Variants in LRMDA observed in about 807,000 individuals in gnomAD.
LRMDA encodes leucine-rich melanocyte differentiation-associated protein.
LRMDA carries 18 observed loss-of-function variants against 29.8 expected under a neutral mutation model. That is an observed-to-expected ratio of 0.60 (90% CI 0.42 to 0.90). The LOEUF is 0.90. Ranked by LOEUF, LRMDA falls within the 40% of genes least tolerant of loss-of-function variation. The pLI is 0.00. For synonymous variants in LRMDA, 125 were observed against 109.4 expected (o/e 1.14, Z -0.89); for missense variants, 273 against 273.9 (o/e 1.00, Z 0.02).
At chr10:76,251,365 G>T (rs1020039011) in intron 5 of LRMDA, among the ~76,000 whole-genome samples, 1 of 148,914 alleles carries the variant, frequency 6.7e-6, no homozygotes, top group African/African-American at 2.5e-5. Context: ...CCATTCTCCT[G>T]CCTCAGCCTC....
chr10:76,053,999 C>T (rs1048847836), intron 4 of LRMDA, among the ~76,000 whole-genome samples: 11 of 152,326 alleles, frequency 7.2e-5, no homozygotes, highest in Admixed American at 1.3e-4. Flanking sequence ...CTGATGCCCA[C>T]TGAAGTTTGA....
At chr10:76,064,489 C>T (rs756533763) in intron 5 of LRMDA, among the ~76,000 whole-genome samples, 28 of 152,116 alleles carry the variant, frequency 1.8e-4, no homozygotes, top group Admixed American at 4.6e-4. Context: ...CCGTCTTCGC[C>T]GCTATTGTAT....
At chr10:76,337,051 TG>T (rs1218640009) in intron 6 of LRMDA, among the ~76,000 whole-genome samples, 1 of 152,142 alleles carries the variant, frequency 6.6e-6, no homozygotes, top group Non-Finnish European at 1.5e-5. Context: ...GATAGGGCAG[TG>T]AATGTTGGCA....
At chr10:76,063,024 C>T (rs1172532927) in intron 5 of LRMDA, among the ~76,000 whole-genome samples, 7 of 152,176 alleles carry the variant, frequency 4.6e-5, no homozygotes, top group Non-Finnish European at 1.5e-5. Flanking sequence ...TATGTCCTGA[C>T]TTTGTAATTA....
chr10:75,695,217 G>GT (rs372059557), intron 2 of LRMDA, among the ~76,000 whole-genome samples: 58 of 151,942 alleles, frequency 3.8e-4, no homozygotes, highest in Middle Eastern at 3.4e-3. Context: ...TTTGATTCTG[G>GT]TTTTTTAAAA....
At chr10:76,012,858 C>T (rs1220939916) in intron 2 of LRMDA, among the ~76,000 whole-genome samples, 3 of 151,966 alleles carry the variant, frequency 2.0e-5, no homozygotes, top group Admixed American at 6.6e-5. Flanking sequence ...AGGTCAGGAG[C>T]GATAGTAAAA....
intron 2 of LRMDA, among the ~76,000 whole-genome samples, chr10:75,735,353 T>G (rs1842749362): frequency 6.6e-6 from 1 of 152,226 alleles, no homozygotes; most frequent in South Asian, 2.1e-4. Context: ...CACAGCATAA[T>G]CCTGCAGCTA....
chr10:76,335,077 A>G (rs960713063), intron 6 of LRMDA, among the ~76,000 whole-genome samples: 2 of 152,208 alleles, frequency 1.3e-5, no homozygotes, highest in African/African-American at 4.8e-5. Flanking sequence ...GGATTTAGGA[A>G]GAGATCAAGT....
chr10:76,490,293 T>G (rs1842820630), intron 6 of LRMDA, among the ~76,000 whole-genome samples: 1 of 152,040 alleles, frequency 6.6e-6, no homozygotes, highest in Admixed American at 6.6e-5. Flanking sequence ...TAAATATCTG[T>G]TAGATCCATT....
At chr10:76,004,520 A>G (rs145452817) in intron 2 of LRMDA, among the ~76,000 whole-genome samples, 1 of 152,326 alleles carries the variant, frequency 6.6e-6, no homozygotes, top group Non-Finnish European at 1.5e-5. Flanking sequence ...ACCTGGGGAA[A>G]CTTACAGAAA....
chr10:76,085,357 G>A (rs1266417392), intron 5 of LRMDA, among the ~76,000 whole-genome samples: 1 of 152,218 alleles, frequency 6.6e-6, no homozygotes, highest in African/African-American at 2.4e-5. Context: ...GGGGGATACT[G>A]GACAGCAAAT....
intron 2 of LRMDA, among the ~76,000 whole-genome samples, chr10:75,555,532 A>G (rs1687325070): frequency 6.6e-6 from 1 of 152,168 alleles, no homozygotes; most frequent in Non-Finnish European, 1.5e-5. Flanking sequence ...CTGGCTAGAT[A>G]AGGCTGAAAC....
chr10:75,516,804 G>T (rs1326471766), intron 2 of LRMDA, among the ~76,000 whole-genome samples: 1 of 152,106 alleles, frequency 6.6e-6, no homozygotes, highest in East Asian at 1.9e-4. Flanking sequence ...ATACTGCCTA[G>T]ATTTTCTTCT....
At position 75,961,680 on chromosome 10, in the gene LRMDA, T is replaced by C. The variant is rs1846768624; in HGVS notation, c.132-74328T>C. On this transcript the variant is annotated intron_variant, in intron 2 of 6. Transcript: ENST00000611255. ...ATGGGGAAACGGGGACTGGGGCTGC[T>C]TCATAACAGCCCATCAGGTGAGTGC... Among the ~76,000 whole-genome samples the C allele has an allele frequency of 3.9e-5, 6 of 152,324 alleles. No homozygotes were observed. In the South Asian group the frequency reaches 1.2e-3, roughly 32 times the overall value.
chr10:75,696,794 C>T (rs1044659330), intron 2 of LRMDA, among the ~76,000 whole-genome samples: 6 of 152,172 alleles, frequency 3.9e-5, no homozygotes, highest in Admixed American at 2.0e-4. Flanking sequence ...TTCTGCCTCT[C>T]CTGTGTAATC....
At chr10:75,732,904 G>A (rs1589176448) in intron 2 of LRMDA, among the ~76,000 whole-genome samples, 1 of 152,278 alleles carries the variant, frequency 6.6e-6, no homozygotes, top group East Asian at 1.9e-4. Flanking sequence ...AAAAGATTGA[G>A]GAGGGTCCAG....
At chr10:75,434,001 T>C (rs1053817772) in intron 1 of LRMDA, among the ~76,000 whole-genome samples, 2 of 152,098 alleles carry the variant, frequency 1.3e-5, no homozygotes, top group African/African-American at 4.8e-5. Context: ...GTTGCAGTCT[T>C]CCTATTGCTT....
chr10:75,614,739 C>T (rs1384552592), intron 2 of LRMDA, among the ~76,000 whole-genome samples: 1 of 151,702 alleles, frequency 6.6e-6, no homozygotes, highest in African/African-American at 2.4e-5. Flanking sequence ...TCATGATGCA[C>T]TGTTTAATAT....
chr10:75,568,693 G>A, intron 2 of LRMDA, among the ~76,000 whole-genome samples: 1 of 152,180 alleles, frequency 6.6e-6, no homozygotes, highest in Middle Eastern at 3.2e-3. Context: ...TTAGGGTCAG[G>A]CATCTGAATG....
Sources: gnomAD v4.1 joint callset for allele counts (sites outside exome capture counted in the v4.1 genomes callset) on GRCh38, gnomAD v4.1.1 for gene constraint, MANE v1.5 for transcripts, NCBI Gene and HGNC (gene_info 2026-07-23, HGNC 2026-07-21) for gene names.